Variants in STRBP observed in about 807,000 individuals in gnomAD.
STRBP encodes spermatid perinuclear RNA-binding protein.
In STRBP, 13 loss-of-function variants were observed where a neutral mutation model predicts 80.1. The ratio of observed to expected loss-of-function variants is 0.16; its 90% confidence interval spans 0.11 to 0.26. The LOEUF is 0.26. STRBP is among the 10% of genes least tolerant of loss of function. STRBP has a pLI of 1.00. For synonymous variants in STRBP, 284 were observed against 291.2 expected (o/e 0.98, Z 0.25); for missense variants, 485 against 815.2 (o/e 0.59, Z 4.93).
chr9:123,204,327 T>C (rs1588095749), intron 2 of STRBP, among the ~76,000 whole-genome samples: 3 of 152,238 alleles, frequency 2.0e-5, no homozygotes, highest in East Asian at 3.8e-4. Flanking sequence ...GAACTAACCC[T>C]AGAATTGGGG....
At chr9:123,200,202 C>A (rs1472297744) in intron 2 of STRBP, among the ~76,000 whole-genome samples, 1 of 152,112 alleles carries the variant, frequency 6.6e-6, no homozygotes, top group Non-Finnish European at 1.5e-5. Flanking sequence ...TTAAACTACT[C>A]CTACTAGACA....
chr9:123,197,398 G>A (rs1227601438), intron 2 of STRBP, among the ~76,000 whole-genome samples: 1 of 152,080 alleles, frequency 6.6e-6, no homozygotes, highest in Admixed American at 6.6e-5. Flanking sequence ...TTGTTACATG[G>A]ACGAAATATA....
rs1264326400 is a variant in STRBP at position 123,139,693 on chromosome 9, C to A, written c.1339-6G>T. On this transcript the variant is annotated splice_region_variant and splice_polypyrimidine_tract_variant and intron_variant, in intron 13 of 18. Transcript: ENST00000348403. ...TATCCCATTGCCTGCAATACCTGTA[C>A]AAATTACATTAAAATGCAGTTTTAT... 6.2e-7 allele frequency: 1 copy of A among 1,605,586 alleles called. No individual in the cohort carries two copies. Among genetic ancestry groups the A allele is most frequent in the Non-Finnish European group, 8.5e-7 (1 of 1,178,140 alleles).
At chr9:123,129,718 G>A (rs542013747) in intron 17 of STRBP, among the ~76,000 whole-genome samples, 8 of 152,324 alleles carry the variant, frequency 5.3e-5, no homozygotes, top group African/African-American at 1.4e-4. Context: ...GCAGAGGCTA[G>A]GTCTTCTCTG....
At chr9:123,138,651 T>G (rs557967521) in intron 14 of STRBP, among the ~76,000 whole-genome samples, 337 of 152,310 alleles carry the variant, frequency 2.2e-3, no homozygotes, top group Non-Finnish European at 3.6e-3. Flanking sequence ...TTGACATTAT[T>G]ATGTTCATTT....
At chr9:123,150,382 G>A (rs1473013193) in intron 11 of STRBP, among the ~76,000 whole-genome samples, 1 of 152,102 alleles carries the variant, frequency 6.6e-6, no homozygotes, top group African/African-American at 2.4e-5. Flanking sequence ...ATCTGTTCCT[G>A]GGCAATGAAG....
At chr9:123,185,703 C>T (rs1386673723) in intron 2 of STRBP, among the ~76,000 whole-genome samples, 4 of 152,128 alleles carry the variant, frequency 2.6e-5, no homozygotes, top group Admixed American at 2.6e-4. Context: ...AGGGATTCGG[C>T]TAGTCACTAT....
chr9:123,220,015 T>C (rs937333075), intron 2 of STRBP, among the ~76,000 whole-genome samples: 2 of 152,086 alleles, frequency 1.3e-5, no homozygotes, highest in African/African-American at 4.8e-5. Flanking sequence ...AAACAGAGTA[T>C]GCCACAGGTA....
chr9:123,158,314 G>A lies in STRBP; in HGVS notation c.933+18C>T. 6.2e-7 allele frequency: 1 copy of A among 1,605,234 alleles called. No homozygotes were observed. Among genetic ancestry groups the A allele is most frequent in the Non-Finnish European group, 8.5e-7 (1 of 1,172,340 alleles). On this transcript the variant is annotated intron_variant, in intron 10 of 18. Coordinates refer to ENST00000348403, the MANE Select transcript of STRBP (RefSeq NM_018387.5). ...GTTATTTCACTAATAAGTCAGAGTG[G>A]CATGCTCAATCTTCTACCTGTGCAC...
At chr9:123,256,018 C>CTTTTTTTTTTTTTTTT (rs11338372) in intron 1 of STRBP, among the ~76,000 whole-genome samples, 3 of 71,486 alleles carry the variant, frequency 4.2e-5, no homozygotes, top group Non-Finnish European at 4.8e-5. Context: ...TCCTTTCTTT[C>CTTTTTTTTTTTTTTTT]TTTTTTTTTT....
At chr9:123,141,957 A>T (rs1223273519) in intron 13 of STRBP, among the ~76,000 whole-genome samples, 1 of 152,248 alleles carries the variant, frequency 6.6e-6, no homozygotes, top group African/African-American at 2.4e-5. Flanking sequence ...CCTCTGAGCC[A>T]TGTTTTCATC....
intron 2 of STRBP, among the ~76,000 whole-genome samples, chr9:123,220,332 A>C (rs2040028049): frequency 6.6e-6 from 1 of 152,226 alleles, no homozygotes; most frequent in African/African-American, 2.4e-5. Context: ...CACCTAGGTT[A>C]TTATAGCCTA....
chr9:123,122,953 C>G lies in STRBP; in HGVS notation c.*2644G>C. On this transcript the variant is annotated 3_prime_UTR_variant, in exon 19 of 19. Transcript: ENST00000348403. The stretch of plus-strand genomic sequence containing the variant: ...AAAGGAAAAGTTTTAAAACAGACAC[C>G]GTGGCTTTGAACAAAGTATTGCTCT... 2.0e-6 allele frequency: 2 copies of G among 985,404 alleles called. No homozygotes were observed. The highest frequency in any genetic ancestry group is 2.4e-6 in the Non-Finnish European group (2 of 829,940). The allele number at this position is 985,404 out of a possible 1,614,324, so 61.0% of individuals were successfully genotyped here.
chr9:123,254,717 C>T (rs1049470973), intron 1 of STRBP, among the ~76,000 whole-genome samples: 46 of 152,218 alleles, frequency 3.0e-4, no homozygotes, highest in African/African-American at 1.1e-3. Context: ...ATCACACCTC[C>T]GGTGAGGTGA....
intron 3 of STRBP, chr9:123,112,292 T>G (rs961922505): frequency 1.8e-5 from 3 of 167,208 alleles, no homozygotes; most frequent in Non-Finnish European, 2.9e-5. Flanking sequence ...GGCAAGTGCC[T>G]CCTCTTCTCC....
chr9:123,159,405 C>A (rs529377869), intron 8 of STRBP, among the ~76,000 whole-genome samples, 198 bp from the exon 9 acceptor site: 43 of 152,224 alleles, frequency 2.8e-4, no homozygotes, highest in African/African-American at 8.2e-4. Context: ...ATTTTAAGAT[C>A]GTATCTTCAG....
chr9:123,210,644 T>C (rs1564302874), intron 2 of STRBP, among the ~76,000 whole-genome samples: 2 of 152,064 alleles, frequency 1.3e-5, no homozygotes, highest in African/African-American at 2.4e-5. Context: ...CTGACCAAGA[T>C]GGTGAAACCC....
downstream of STRBP, among the ~76,000 whole-genome samples, chr9:123,117,202 C>T (rs536999806): frequency 6.6e-5 from 10 of 152,288 alleles, no homozygotes; most frequent in South Asian, 2.1e-4. Flanking sequence ...TGCTCTAGAA[C>T]ACGACAGCCT....
chr9:123,257,960 T>G (rs1234087999), intron 1 of STRBP, among the ~76,000 whole-genome samples: 8 of 152,032 alleles, frequency 5.3e-5, no homozygotes, highest in Admixed American at 3.9e-4. Context: ...ACCAGCATAG[T>G]GCTTAATAAG....
Sources: gnomAD v4.1 joint callset for allele counts (sites outside exome capture counted in the v4.1 genomes callset) on GRCh38, gnomAD v4.1.1 for gene constraint, MANE v1.5 for transcripts, NCBI Gene and HGNC (gene_info 2026-07-23, HGNC 2026-07-21) for gene names.